SBF2: variants seen among roughly 807,000 people sequenced by gnomAD.
SBF2 encodes the protein SET binding factor 2, also known as myotubularin-related protein 13.
In SBF2, 112 loss-of-function variants were observed where a neutral mutation model predicts 225.2. The observed-to-expected ratio is 0.50, with a 90% CI of 0.43 to 0.58. The LOEUF is 0.58. Ranked by LOEUF, SBF2 falls within the 20% of genes least tolerant of loss-of-function variation. SBF2 has a pLI of 0.00. For synonymous variants in SBF2, 763 were observed against 773.3 expected (o/e 0.99, Z 0.22); for missense variants, 1,996 against 2,206.2 (o/e 0.90, Z 1.91).
chr11:10,063,354 T>C (rs12360574), intron 2 of SBF2, among the ~76,000 whole-genome samples: 2 of 124,304 alleles, frequency 1.6e-5, no homozygotes, highest in African/African-American at 5.6e-5. Context: ...ATTTTTTTAA[T>C]TTTTTTATTT....
At chr11:10,237,373 C>A (rs1289131149) in intron 1 of SBF2, among the ~76,000 whole-genome samples, 4 of 149,688 alleles carry the variant, frequency 2.7e-5, no homozygotes, top group Non-Finnish European at 6.0e-5. Context: ...ACAACAACAA[C>A]AAAACTGGAG....
chr11:10,155,883 C>T (rs1279403286), intron 2 of SBF2, among the ~76,000 whole-genome samples: 4 of 152,214 alleles, frequency 2.6e-5, no homozygotes, highest in African/African-American at 9.6e-5. Flanking sequence ...TTGATGGTGG[C>T]AGTGGCCAGT....
In SBF2 at chr11:9,992,469, T is replaced by C. The variant is rs1483725125; in HGVS notation, c.1242A>G (p.Ala414=). Residue 414 remains alanine, a synonymous_variant, in exon 12 of 40, where the codon GCA becomes GCG. Transcript: ENST00000256190. The stretch of plus-strand genomic sequence containing the variant: ...GAGGACCTCTTTCTGAAACAAAACC[T>C]GCAAATGCCATTCCACTGAGTACTT... ...LTKVLSGMAF[A]GFVSERGPPY... 1.2e-6 allele frequency: 2 copies of C among 1,613,332 alleles called. No homozygotes were observed. The highest frequency in any genetic ancestry group is 4.5e-5 in the East Asian group (2 of 44,764).
chr11:10,263,081 T>C (rs1460309206), intron 1 of SBF2, among the ~76,000 whole-genome samples: 1 of 152,070 alleles, frequency 6.6e-6, no homozygotes, highest in Non-Finnish European at 1.5e-5. Context: ...ATATACAATA[T>C]ACATTTAGAA....
At chr11:10,296,475 C>T (rs1964550402), upstream of SBF2, among the ~76,000 whole-genome samples, 1 of 152,164 alleles carries the variant, frequency 6.6e-6, no homozygotes, top group African/African-American at 2.4e-5. Flanking sequence ...ATCACCACAA[C>T]AGCAGGAGAA....
chr11:9,981,470 A>T (rs537695606), intron 13 of SBF2, among the ~76,000 whole-genome samples: 1 of 152,328 alleles, frequency 6.6e-6, no homozygotes, highest in East Asian at 1.9e-4. Context: ...GAAATTATTT[A>T]AAAAACGTTT....
chr11:10,070,647 T>C (rs1290361691), intron 2 of SBF2, among the ~76,000 whole-genome samples: 5 of 152,238 alleles, frequency 3.3e-5, no homozygotes, highest in Non-Finnish European at 5.9e-5. Context: ...TGTGGGCTCT[T>C]TTTTGGTTCC....
intron 13 of SBF2, among the ~76,000 whole-genome samples, chr11:9,984,888 A>T (rs1335159217): frequency 6.6e-6 from 1 of 152,232 alleles, no homozygotes; most frequent in African/African-American, 2.4e-5. Flanking sequence ...TGCTGAAAGA[A>T]TTTGCCATTA....
At chr11:10,037,615 C>A (rs1471438456) in intron 3 of SBF2, among the ~76,000 whole-genome samples, 3 of 150,882 alleles carry the variant, frequency 2.0e-5, no homozygotes, top group Admixed American at 6.6e-5. Flanking sequence ...ATATGGTCAA[C>A]TAGTGTACAG....
chr11:10,157,610 G>A (rs963841995), intron 2 of SBF2, among the ~76,000 whole-genome samples: 2 of 152,214 alleles, frequency 1.3e-5, no homozygotes, highest in African/African-American at 4.8e-5. Flanking sequence ...CCTTCTAGTT[G>A]CAAGAAAATA....
At chr11:10,188,218 T>A (rs916525886) in intron 2 of SBF2, among the ~76,000 whole-genome samples, 1 of 152,054 alleles carries the variant, frequency 6.6e-6, no homozygotes, top group African/African-American at 2.4e-5. Flanking sequence ...GCTAAAATTA[T>A]AGATACAATG....
intron 2 of SBF2, among the ~76,000 whole-genome samples, chr11:10,145,988 A>G (rs1220706646): frequency 6.6e-6 from 1 of 152,202 alleles, no homozygotes; most frequent in Non-Finnish European, 1.5e-5. Flanking sequence ...CCAAAAAAAG[A>G]AAGAGATACC....
At chr11:9,985,134 G>A (rs982512863) in intron 13 of SBF2, among the ~76,000 whole-genome samples, 2 of 152,150 alleles carry the variant, frequency 1.3e-5, no homozygotes, top group African/African-American at 4.8e-5. Context: ...TGACCTGAAT[G>A]CTCCACTTAA....
chr11:10,213,268 C>A lies in SBF2; in HGVS notation c.56-19281G>T, dbSNP rs187641838. ...AGGATGTTTTTAGAGAGTAAGGAAG[C>A]CAGCTGCACAAAATAAATCCACCCC... On this transcript the variant is annotated intron_variant, in intron 1 of 39. Transcript: ENST00000256190. Among the ~76,000 whole-genome samples, 270 of 152,216 alleles carry A rather than the reference C, an allele frequency of 1.8e-3. 2 individuals carry two copies. The highest frequency in any genetic ancestry group is 6.3e-3 in the African/African-American group (261 of 41,546).
At chr11:10,231,411 G>T (rs1159753840) in intron 1 of SBF2, among the ~76,000 whole-genome samples, 5 of 152,132 alleles carry the variant, frequency 3.3e-5, no homozygotes, top group African/African-American at 1.2e-4. Context: ...TGGTTTTTCT[G>T]CTCTGTTTTT....
chr11:10,022,086 A>G (rs16907385), intron 6 of SBF2, among the ~76,000 whole-genome samples: 7,971 of 152,290 alleles, frequency 0.052, 294 homozygotes, highest in Middle Eastern at 0.15. Context: ...TACACAGAAA[A>G]ATCTACAATA....
chr11:9,816,506 T>A (rs1044584516), intron 29 of SBF2, among the ~76,000 whole-genome samples: 1 of 152,212 alleles, frequency 6.6e-6, no homozygotes, highest in Non-Finnish European at 1.5e-5. Flanking sequence ...CTGTGGAAAC[T>A]GAATCAAGGC....
At chr11:9,943,965 C>T (rs943572980) in intron 16 of SBF2, among the ~76,000 whole-genome samples, 3 of 152,098 alleles carry the variant, frequency 2.0e-5, no homozygotes, top group Admixed American at 6.5e-5. Flanking sequence ...GTTACAACAC[C>T]GTTTTCATTG....
intron 14 of SBF2, among the ~76,000 whole-genome samples, chr11:9,967,943 G>GTCTCTC (rs1213862161): frequency 3.8e-5 from 4 of 104,898 alleles, no homozygotes; most frequent in African/African-American, 1.1e-4. Context: ...CTGTCTGTCT[G>GTCTCTC]TCTGTCTCTC....
Sources: gnomAD v4.1 joint callset for allele counts (sites outside exome capture counted in the v4.1 genomes callset) on GRCh38, gnomAD v4.1.1 for gene constraint, MANE v1.5 for transcripts, NCBI Gene and HGNC (gene_info 2026-07-23, HGNC 2026-07-21) for gene names.